Variants in PHACTR1 observed in about 807,000 individuals in gnomAD.
PHACTR1 encodes RPEL repeat containing 1.
PHACTR1 carries 16 observed loss-of-function variants against 69.2 expected under a neutral mutation model. That is an observed-to-expected ratio of 0.23 (90% CI 0.16 to 0.35). The LOEUF is 0.35. Ranked by LOEUF, PHACTR1 falls within the 10% of genes least tolerant of loss-of-function variation. PHACTR1 has a pLI of 1.00. For missense variants in PHACTR1, 510 were observed against 734.7 expected (o/e 0.69, Z 3.54); for synonymous variants, 312 against 284.5 (o/e 1.10, Z -0.97).
intron 5 of PHACTR1, among the ~76,000 whole-genome samples, chr6:13,152,689 G>A (rs926353464): frequency 9.9e-5 from 15 of 152,176 alleles, no homozygotes; most frequent in Non-Finnish European, 2.1e-4. Flanking sequence ...TGCAAAGATT[G>A]GTGTGTTTTA....
At chr6:12,735,157 C>T (rs1010399272) in intron 3 of PHACTR1, among the ~76,000 whole-genome samples, 2 of 152,106 alleles carry the variant, frequency 1.3e-5, no homozygotes, top group Admixed American at 1.3e-4. Flanking sequence ...GTGGCTCATG[C>T]CCATGACATC....
chr6:12,813,282 A>T (rs1775221980), intron 4 of PHACTR1, among the ~76,000 whole-genome samples: 1 of 152,206 alleles, frequency 6.6e-6, no homozygotes, highest in Non-Finnish European at 1.5e-5. Context: ...ACAAGTTCTG[A>T]GAGCCCTTTT....
intron 4 of PHACTR1, among the ~76,000 whole-genome samples, chr6:12,959,162 G>A (rs1792297868): frequency 9.0e-6 from 1 of 110,998 alleles, no homozygotes. Context: ...GGGTGATAGA[G>A]TGAGACTTTA....
chr6:13,272,611 G>A, intron 10 of PHACTR1: 1 of 1,164,368 alleles, frequency 8.6e-7, no homozygotes, highest in Non-Finnish European at 1.2e-6. Context: ...GGAGGAGATG[G>A]GGCTGGGGAG....
At chr6:12,847,426 A>G (rs1428238738) in intron 4 of PHACTR1, among the ~76,000 whole-genome samples, 1 of 152,188 alleles carries the variant, frequency 6.6e-6, no homozygotes, top group Non-Finnish European at 1.5e-5. Context: ...TGAGTAGTCA[A>G]CTTATATGAC....
chr6:13,100,569 A>G (rs574512511), intron 5 of PHACTR1, among the ~76,000 whole-genome samples: 80 of 152,288 alleles, frequency 5.3e-4, no homozygotes, highest in South Asian at 1.0e-3. Flanking sequence ...TTACCTTGCA[A>G]TGGAAGTCTT....
intron 5 of PHACTR1, among the ~76,000 whole-genome samples, chr6:13,107,028 G>A (rs974665841): frequency 6.6e-6 from 1 of 152,072 alleles, no homozygotes; most frequent in Non-Finnish European, 1.5e-5. Flanking sequence ...TAATGTCTTT[G>A]TTAGGTTTTG....
rs555707385 is a variant in PHACTR1, at chr6:13,196,420, C to CTTTTTTTTTTGTTTT, written c.665-9385_665-9384insGTTTTTTTTTTTTTT. Reference sequence around the variant, plus strand: ...CCTAGATCATCCACTGGTTTTCTTTCTTTTTTTTTTTGTTTTTTGAGACAG... The same window carrying CTTTTTTTTTTGTTTT: ...CCTAGATCATCCACTGGTTTTCTTTCTTTTTTTTTTGTTTTTTTTTTTTTTTGTTTTTTGAGACAG... On this transcript the variant is annotated intron_variant, in intron 7 of 14. Transcript: ENST00000332995. 6.2e-3 allele frequency: 846 copies of CTTTTTTTTTTGTTTT among 136,526 alleles called. 14 individuals carry two copies. Among genetic ancestry groups the CTTTTTTTTTTGTTTT allele is most frequent in the African/African-American group, 6.1e-3 (204 of 33,648 alleles). 8.5% of individuals were successfully genotyped at this position (136,526 alleles called of 1,614,324 possible).
intron 5 of PHACTR1, among the ~76,000 whole-genome samples, chr6:13,130,684 A>C (rs1352362588): frequency 6.6e-6 from 1 of 152,178 alleles, no homozygotes; most frequent in Non-Finnish European, 1.5e-5. Context: ...CCAATAAAAA[A>C]GGTCCAGGAC....
intron 12 of PHACTR1, among the ~76,000 whole-genome samples, chr6:13,278,665 A>C (rs1006605131): frequency 2.0e-5 from 3 of 152,244 alleles, no homozygotes; most frequent in Non-Finnish European, 4.4e-5. Flanking sequence ...AATCAAAATC[A>C]GTAGTTCAAA....
intron 7 of PHACTR1, among the ~76,000 whole-genome samples, chr6:13,189,043 T>C (rs9367368): frequency 0.23 from 34,705 of 152,224 alleles, 5,183 homozygotes; most frequent in East Asian, 0.56. Flanking sequence ...AGAAGTCAGA[T>C]GTTCAACGCT....
intron 5 of PHACTR1, among the ~76,000 whole-genome samples, chr6:13,095,983 T>G (rs1179927826): frequency 4.6e-5 from 7 of 152,144 alleles, no homozygotes; most frequent in Admixed American, 1.3e-4. Context: ...CTTTTAACTG[T>G]GTGCTTTCCA....
intron 5 of PHACTR1, among the ~76,000 whole-genome samples, chr6:13,144,596 T>C (rs914480866): frequency 1.3e-5 from 2 of 151,870 alleles, no homozygotes; most frequent in Non-Finnish European, 2.9e-5. Flanking sequence ...ATTGACAAAC[T>C]GATTCTAAAA....
intron 4 of PHACTR1, among the ~76,000 whole-genome samples, chr6:12,775,203 A>AG (rs1769903720): frequency 1.3e-5 from 2 of 152,200 alleles, no homozygotes. Flanking sequence ...CATTTTATTC[A>AG]GTTTTTCAAG....
At chr6:13,224,574 A>T (rs1024502386) in intron 8 of PHACTR1, among the ~76,000 whole-genome samples, 1 of 152,118 alleles carries the variant, frequency 6.6e-6, no homozygotes, top group Non-Finnish European at 1.5e-5. Context: ...TTTAGAGCAG[A>T]TGTAGGTAAT....
chr6:12,994,794 A>T (rs985351817), intron 4 of PHACTR1, among the ~76,000 whole-genome samples: 1 of 152,168 alleles, frequency 6.6e-6, no homozygotes, highest in Admixed American at 6.5e-5. Flanking sequence ...AAGAAAAAAC[A>T]GTTGGAAATT....
intron 5 of PHACTR1, among the ~76,000 whole-genome samples, chr6:13,058,294 C>T (rs1158826024): frequency 6.6e-6 from 1 of 152,162 alleles, no homozygotes; most frequent in African/African-American, 2.4e-5. Context: ...TGTGAAGACA[C>T]CACCGAGTTA....
At chr6:13,164,494 A>T (rs1759500550) in intron 6 of PHACTR1, among the ~76,000 whole-genome samples, 1 of 152,150 alleles carries the variant, frequency 6.6e-6, no homozygotes, top group African/African-American at 2.4e-5. Flanking sequence ...TTGATTTGTA[A>T]TGACTGTGTC....
chr6:12,921,840 A>ACG (rs1787753971), intron 4 of PHACTR1, among the ~76,000 whole-genome samples: 1 of 86,504 alleles, frequency 1.2e-5, no homozygotes, highest in African/African-American at 5.4e-5. Context: ...GAAGGGAGGG[A>ACG]GAGAGGGAGG....
Sources: allele counts gnomAD v4.1 joint callset (sites outside exome capture counted in the v4.1 genomes callset), GRCh38; gene constraint gnomAD v4.1.1; transcripts MANE v1.5; gene names NCBI Gene and HGNC (gene_info 2026-07-23, HGNC 2026-07-21).